TECRL: variants seen among roughly 807,000 people sequenced by gnomAD.
TECRL encodes trans-2,3-enoyl-CoA reductase like.
In TECRL, 63 loss-of-function variants were observed where a neutral mutation model predicts 52.8. That is an observed-to-expected ratio of 1.19 (90% confidence interval 0.97 to 1.47). The LOEUF is 1.47. Ranked by LOEUF, TECRL falls within the 40% of genes most tolerant of loss-of-function variation. The probability of loss-of-function intolerance (pLI) is 0.00; values close to 1 mark genes in which losing one functional copy is unlikely to be tolerated. For synonymous variants in TECRL, 164 were observed against 141.9 expected (o/e 1.16, Z -1.10); for missense variants, 482 against 429.6 (o/e 1.12, Z -1.08).
chr4:64,409,060 T>C (rs1578011446), intron 1 of TECRL, 58 bp downstream of exon 1: 2 of 1,363,918 alleles, frequency 1.5e-6, no homozygotes, highest in Non-Finnish European at 1.0e-6. Context: ...TCAATAATAT[T>C]TGGGGCAGAG....
intron 5 of TECRL, among the ~76,000 whole-genome samples, chr4:64,312,400 T>C (rs1380427988): frequency 3.3e-5 from 5 of 152,180 alleles, no homozygotes; most frequent in Non-Finnish European, 7.3e-5. Context: ...TACATATTTG[T>C]TATTTGGGAA....
chr4:64,293,989 A>C (rs1293889228), intron 8 of TECRL, among the ~76,000 whole-genome samples: 1 of 138,446 alleles, frequency 7.2e-6, no homozygotes, highest in African/African-American at 2.7e-5. Flanking sequence ...TAAAATATAT[A>C]TATATATATT....
intron 1 of TECRL, among the ~76,000 whole-genome samples, chr4:64,395,209 C>T (rs994553035): frequency 2.6e-5 from 4 of 151,898 alleles, no homozygotes; most frequent in Admixed American, 6.6e-5. Context: ...CGTAAGCCAC[C>T]GCTCCCAGCC....
rs1164250578 is a variant in TECRL, at chr4:64,277,939, A to G, written c.*2133T>C. ...AGGCTTTCATAGAAGATAGGTATTT[A>G]AAGATGTAAAAATAGAACAAATTTT... On this transcript the variant is annotated 3_prime_UTR_variant, in exon 12 of 12. Transcript: ENST00000381210. 1 of 151,766 alleles carries G rather than the reference A, an allele frequency of 6.6e-6. No individual in the cohort carries two copies. Among genetic ancestry groups the G allele is most frequent in the Non-Finnish European group, 1.5e-5 (1 of 67,758 alleles). The allele number at this position is 151,766 out of a possible 1,614,324, so 9.4% of individuals were successfully genotyped here. A position where few individuals can be genotyped will look rare whatever the true frequency, so the allele number is the denominator to read the frequency against.
At chr4:64,359,746 C>A (rs1356973216) in intron 2 of TECRL, among the ~76,000 whole-genome samples, 2 of 152,002 alleles carry the variant, frequency 1.3e-5, no homozygotes, top group African/African-American at 2.4e-5. Context: ...AGAGTTTGAT[C>A]TCCTGCAATT....
intron 9 of TECRL, among the ~76,000 whole-genome samples, chr4:64,287,998 T>G (rs1723167478): frequency 6.6e-6 from 1 of 151,934 alleles, no homozygotes; most frequent in African/African-American, 2.4e-5. Context: ...AATACAAAAT[T>G]AGCTGGGCAT....
At chr4:64,284,457 A>T (rs575548300) in intron 9 of TECRL, among the ~76,000 whole-genome samples, 1 of 127,878 alleles carries the variant, frequency 7.8e-6, no homozygotes, top group Admixed American at 8.6e-5. Flanking sequence ...CTTTTCAAAA[A>T]TACAGGGAAT....
At chr4:64,315,159 T>G (rs1343642164) in intron 4 of TECRL, among the ~76,000 whole-genome samples, 1 of 152,118 alleles carries the variant, frequency 6.6e-6, no homozygotes, top group Non-Finnish European at 1.5e-5. Context: ...TTTTTCTTTT[T>G]CTTATTCTTT....
chr4:64,316,495 G>C (rs1215791641), intron 4 of TECRL, among the ~76,000 whole-genome samples: 1 of 151,994 alleles, frequency 6.6e-6, no homozygotes, highest in Non-Finnish European at 1.5e-5. Context: ...ATAGAAGAAA[G>C]GGGAAAAGAC....
At chr4:64,306,813 C>A (rs1724367520) in intron 6 of TECRL, among the ~76,000 whole-genome samples, 1 of 152,178 alleles carries the variant, frequency 6.6e-6, no homozygotes, top group Admixed American at 6.5e-5. Flanking sequence ...TGTGAGAAAT[C>A]AATTTTCTTC....
chr4:64,381,643 C>G (rs894357413), intron 1 of TECRL, among the ~76,000 whole-genome samples: 9 of 151,892 alleles, frequency 5.9e-5, no homozygotes, highest in Non-Finnish European at 1.0e-4. Context: ...GTATCTATTA[C>G]AGTAATCATA....
At chr4:64,330,800 G>T (rs573201888) in intron 2 of TECRL, among the ~76,000 whole-genome samples, 1 of 152,174 alleles carries the variant, frequency 6.6e-6, no homozygotes, top group South Asian at 2.1e-4. Context: ...AATTATATTT[G>T]TTATTAACTA....
chr4:64,409,450 T>A lies in TECRL; in HGVS notation c.-99A>T. Reference sequence around the variant, plus strand: ...ATACTGCTGGAGAACCTTTGAAAGGTCAAATGGTATGCCATTCCAAGAGTT... The same window carrying A: ...ATACTGCTGGAGAACCTTTGAAAGGACAAATGGTATGCCATTCCAAGAGTT... On this transcript the variant is annotated 5_prime_UTR_variant, in exon 1 of 12. Transcript: ENST00000381210. 1 of 1,503,752 alleles carries A rather than the reference T, an allele frequency of 6.7e-7. No homozygotes were observed. The highest frequency in any genetic ancestry group is 1.3e-5 in the South Asian group (1 of 74,398). The allele number at this position is 1,503,752 out of a possible 1,614,324, so 93.2% of individuals were successfully genotyped here. A position where few individuals can be genotyped will look rare whatever the true frequency, so the allele number is the denominator to read the frequency against.
At chr4:64,398,688 T>C (rs1724138080) in intron 1 of TECRL, among the ~76,000 whole-genome samples, 1 of 152,162 alleles carries the variant, frequency 6.6e-6, no homozygotes, top group Admixed American at 6.6e-5. Context: ...AACAGCCTAA[T>C]GCAGGGTGAA....
At chr4:64,381,840 G>A (rs1189551102) in intron 1 of TECRL, among the ~76,000 whole-genome samples, 2 of 151,892 alleles carry the variant, frequency 1.3e-5, no homozygotes, top group Admixed American at 6.6e-5. Context: ...CAGGAATATT[G>A]GCCTGTAGTA....
chr4:64,316,969 T>C (rs2110017085), intron 4 of TECRL, among the ~76,000 whole-genome samples: 1 of 152,310 alleles, frequency 6.6e-6, no homozygotes, highest in South Asian at 2.1e-4. Flanking sequence ...CAACGTGATA[T>C]ATGTACAAAT....
At chr4:64,337,918 T>C (rs1033281684) in intron 2 of TECRL, among the ~76,000 whole-genome samples, 16 of 152,056 alleles carry the variant, frequency 1.1e-4, no homozygotes, top group African/African-American at 3.6e-4. Context: ...CTTCACAGAA[T>C]TGGAAAAAAC....
At chr4:64,351,576 G>C (rs1459573970) in intron 2 of TECRL, among the ~76,000 whole-genome samples, 1 of 152,088 alleles carries the variant, frequency 6.6e-6, no homozygotes, top group East Asian at 1.9e-4. Context: ...CCCAGCCAAA[G>C]GGACAACTTT....
chr4:64,376,962 G>A (rs1278586196), intron 1 of TECRL, among the ~76,000 whole-genome samples: 2 of 152,070 alleles, frequency 1.3e-5, no homozygotes, highest in African/African-American at 2.4e-5. Context: ...TAAGATCAAA[G>A]TTTCTTAATC....
Sources: gnomAD v4.1 joint callset for allele counts (sites outside exome capture counted in the v4.1 genomes callset) on GRCh38, gnomAD v4.1.1 for gene constraint, MANE v1.5 for transcripts, NCBI Gene and HGNC (gene_info 2026-07-23, HGNC 2026-07-21) for gene names.